The following CYTH1 variants were observed in gnomAD, a reference collection of about 807,000 sequenced individuals.
CYTH1 encodes cytohesin 1.
CYTH1 carries 18 observed loss-of-function variants against 61.8 expected under a neutral mutation model. That is an observed-to-expected ratio of 0.29 (90% CI 0.20 to 0.43). The LOEUF is 0.43. CYTH1 is among the 20% of genes least tolerant of loss of function. The pLI, the probability that CYTH1 is intolerant of heterozygous loss-of-function variation, is 1.00. For synonymous variants in CYTH1, 174 were observed against 184.3 expected (o/e 0.94, Z 0.45); for missense variants, 336 against 510.5 (o/e 0.66, Z 3.29).
rs71309108 is a variant in CYTH1, at chr17:78,778,637, C to CAAAAAAAAA, written c.22+3556_22+3564dup. ...TGGGCAACACAGTGAGACTCCATCT[C>CAAAAAAAAA]AAAAAAAAAAAAAAAAAAAAAAAAG... On this transcript the variant is annotated intron_variant, in intron 1 of 13. Coordinates refer to ENST00000446868, the MANE Select transcript of CYTH1 (RefSeq NM_004762.6). 2.5e-3 allele frequency among the ~76,000 whole-genome samples: 158 copies of CAAAAAAAAA among 64,048 alleles called. 1 individual carries two copies. Among genetic ancestry groups the CAAAAAAAAA allele is most frequent in the Non-Finnish European group, 3.2e-3 (115 of 35,558 alleles). 42.0% of individuals were successfully genotyped at this position (64,048 alleles called of 152,430 possible). A position where few individuals can be genotyped will look rare whatever the true frequency, so the allele number is the denominator to read the frequency against.
chr17:78,717,202 G>A lies in CYTH1; in HGVS notation c.23-7470C>T, dbSNP rs538854291. Among the ~76,000 whole-genome samples, 13 of 152,258 alleles carry A rather than the reference G, an allele frequency of 8.5e-5. No homozygotes were observed. The highest frequency in any genetic ancestry group is 1.2e-4 in the Non-Finnish European group (8 of 68,028). ...GGGAGGGCAGCAGGTTGTCCCTGCC[G>A]GCAGCCTGAGCACAATGGAGACAAA... On this transcript the variant is annotated intron_variant, in intron 1 of 13. Coordinates refer to ENST00000446868, the MANE Select transcript of CYTH1 (RefSeq NM_004762.6). This position sits in a 1 kb window ranked among gnomAD's most constrained non-coding sequence, Gnocchi z 4.4.
At chr17:78,752,281 C>T (rs2093383272) in intron 1 of CYTH1, among the ~76,000 whole-genome samples, 1 of 152,074 alleles carries the variant, frequency 6.6e-6, no homozygotes, top group African/African-American at 2.4e-5. Context: ...TACTCTTTTC[C>T]ACTGTAAAGG....
chr17:78,731,841 C>A lies in CYTH1; in HGVS notation c.23-22109G>T, dbSNP rs117293609. On this transcript the variant is annotated intron_variant, in intron 1 of 13. Coordinates refer to ENST00000446868, the MANE Select transcript of CYTH1 (RefSeq NM_004762.6). ...AGAAAGAAAGGCAGAGACAAGAACA[C>A]TATAAATCCAGTAAAGTTGCCTTTG... Among the ~76,000 whole-genome samples the A allele has an allele frequency of 5.9e-3, 889 of 151,930 alleles. 41 individuals are homozygous for A. In the East Asian group the frequency reaches 0.11, roughly 19 times the overall value.
chr17:78,719,128 C>G (rs144273236), intron 1 of CYTH1, among the ~76,000 whole-genome samples: 1 of 152,154 alleles, frequency 6.6e-6, no homozygotes, highest in African/African-American at 2.4e-5. Context: ...ACTTCTGGGA[C>G]GGATCCGGGG....
intron 8 of CYTH1, 136 bp from the exon 9 acceptor site, chr17:78,698,516 A>G: frequency 1.4e-6 from 1 of 735,824 alleles, no homozygotes; most frequent in Non-Finnish European, 2.2e-6. Context: ...CTAGAAGATT[A>G]TGACCATTTC....
At chr17:78,744,084 G>A (rs772201705) in intron 1 of CYTH1, among the ~76,000 whole-genome samples, 12 of 152,108 alleles carry the variant, frequency 7.9e-5, no homozygotes, top group Admixed American at 5.2e-4. Flanking sequence ...TTAAATATAC[G>A]GGCTTTTTCG....
chr17:78,710,843 C>A (rs2093121343), intron 1 of CYTH1, among the ~76,000 whole-genome samples: 1 of 152,126 alleles, frequency 6.6e-6, no homozygotes, highest in Non-Finnish European at 1.5e-5. Flanking sequence ...TTTGAGGGTC[C>A]TTCTATCCTT....
At chr17:78,694,729 A>G (rs918020313) in intron 10 of CYTH1, among the ~76,000 whole-genome samples, 2 of 152,218 alleles carry the variant, frequency 1.3e-5, no homozygotes, top group African/African-American at 4.8e-5. Flanking sequence ...AGCGAGTCAG[A>G]TGCTAAAAGA....
chr17:78,734,315 C>T (rs1361719131), intron 1 of CYTH1, among the ~76,000 whole-genome samples: 1 of 150,590 alleles, frequency 6.6e-6, no homozygotes, highest in Non-Finnish European at 1.5e-5. Context: ...TAACTTATGG[C>T]AGTTAAGAAA....
In CYTH1 at chr17:78,705,673, T is replaced by C. The variant is rs185214522; in HGVS notation, c.170+2524A>G. ...TGCAGGGTGAGCCTGAGTACCCGTA[T>C]GGATGGATCCTCAGGGATGTGCAGA... On this transcript the variant is annotated intron_variant, in intron 3 of 13. Transcript: ENST00000446868. 1.2e-4 allele frequency among the ~76,000 whole-genome samples: 18 copies of C among 152,288 alleles called. No homozygotes were observed. The East Asian group carries it at 3.5e-3, about 29-fold the overall frequency.
intron 10 of CYTH1, among the ~76,000 whole-genome samples, chr17:78,693,311 G>C (rs573021884): frequency 6.6e-6 from 1 of 152,120 alleles, no homozygotes; most frequent in Non-Finnish European, 1.5e-5. Context: ...GTTCTTTTTA[G>C]TATTTCTCAG....
chr17:78,740,364 C>T (rs959218441), intron 1 of CYTH1, among the ~76,000 whole-genome samples: 3 of 152,344 alleles, frequency 2.0e-5, no homozygotes, highest in Non-Finnish European at 4.4e-5. Flanking sequence ...TCCTCCAGAC[C>T]TTTTGACTTT....
intron 10 of CYTH1, among the ~76,000 whole-genome samples, chr17:78,692,934 A>G (rs1567833678): frequency 6.6e-6 from 1 of 152,136 alleles, no homozygotes; most frequent in Non-Finnish European, 1.5e-5. Flanking sequence ...TTTCACTGGA[A>G]GTGAAGGAAG....
Position 78,720,949 on chromosome 17 carries a change from T to C in CYTH1, c.23-11217A>G, listed in dbSNP as rs528487030. Among the ~76,000 whole-genome samples the C allele has an allele frequency of 3.1e-3, 477 of 152,340 alleles. 2 individuals are homozygous for C. The highest frequency in any genetic ancestry group is 8.2e-3 in the Admixed American group (126 of 15,310). ...TTCTCTGTCTGCTTACCTTAGTTCC[T>C]TTCCCAAGAAACTATGATTTGACTT... is the stretch of plus-strand genomic sequence containing the variant. On this transcript the variant is annotated intron_variant, in intron 1 of 13. Coordinates refer to ENST00000446868, the MANE Select transcript of CYTH1 (RefSeq NM_004762.6).
intron 1 of CYTH1, among the ~76,000 whole-genome samples, chr17:78,716,519 T>G (rs1468140638): frequency 6.6e-6 from 1 of 152,220 alleles, no homozygotes; most frequent in Non-Finnish European, 1.5e-5. Flanking sequence ...ACTGCTAAAT[T>G]ACTTCTCCAT....
At chr17:78,701,999 G>T in intron 5 of CYTH1, 123 bp downstream of exon 5, 1 of 859,262 alleles carries the variant, frequency 1.2e-6, no homozygotes, top group Non-Finnish European at 1.9e-6. Flanking sequence ...CTCAACTCCA[G>T]TGGGGCTACA....
chr17:78,734,624 G>C (rs893272774), intron 1 of CYTH1, among the ~76,000 whole-genome samples: 1 of 151,712 alleles, frequency 6.6e-6, no homozygotes, highest in Non-Finnish European at 1.5e-5. Flanking sequence ...ATTTTTAGTA[G>C]AGACAGGGTT....
intron 1 of CYTH1, among the ~76,000 whole-genome samples, chr17:78,721,245 G>A (rs777243973): frequency 2.0e-4 from 30 of 152,118 alleles, no homozygotes; most frequent in Non-Finnish European, 4.3e-4. Flanking sequence ...CAAGAAAATC[G>A]CTTGAATTTG....
chr17:78,757,821 G>T (rs1268667608), intron 1 of CYTH1, among the ~76,000 whole-genome samples: 2 of 151,530 alleles, frequency 1.3e-5, no homozygotes, highest in Non-Finnish European at 2.9e-5. Flanking sequence ...CTGAGGCAGG[G>T]GAATTGCTTG....
Sources: gnomAD v4.1 joint callset for allele counts (sites outside exome capture counted in the v4.1 genomes callset) on GRCh38, gnomAD v4.1.1 for gene constraint, Gnocchi (gnomAD v3.1) non-coding constraint, MANE v1.5 for transcripts, NCBI Gene and HGNC (gene_info 2026-07-23, HGNC 2026-07-21) for gene names.